PCDHGA2: variants seen among roughly 807,000 people sequenced by gnomAD.
PCDHGA2 encodes protocadherin gamma-A2.
Under a neutral mutation model 59.2 loss-of-function variants are expected in PCDHGA2, and 40 were observed. The observed-to-expected ratio is 0.68, with a 90% confidence interval of 0.52 to 0.88. The LOEUF (loss-of-function observed/expected upper bound fraction) is 0.88, where lower values mean the gene tolerates loss of function less well. Ranked by LOEUF, PCDHGA2 falls within the 40% of genes least tolerant of loss-of-function variation. The pLI is 0.00. For synonymous variants in PCDHGA2, 560 were observed against 526.0 expected, an observed-to-expected ratio of 1.06 and a Z score of -0.89; for missense variants, 1,226 against 1,204.0, an observed-to-expected ratio of 1.02 and a Z score of -0.27.
intron 1 of PCDHGA2, among the ~76,000 whole-genome samples, chr5:141,437,811 C>A (rs964885701): frequency 6.6e-6 from 1 of 150,864 alleles, no homozygotes; most frequent in African/African-American, 2.4e-5. Flanking sequence ...TATCTTGGCT[C>A]ACTGCAACCT....
At chr5:141,346,268 G>T in intron 1 of PCDHGA2, 1 of 1,614,196 alleles carries the variant, frequency 6.2e-7, no homozygotes, top group South Asian at 1.1e-5. Context: ...GCGCGGACGG[G>T]GTTCGGGCTT....
At chr5:141,497,820 G>A (rs1595489288) in intron 2 of PCDHGA2, among the ~76,000 whole-genome samples, 1 of 152,226 alleles carries the variant, frequency 6.6e-6, no homozygotes, top group Admixed American at 6.5e-5. Flanking sequence ...AATTACAGGT[G>A]TGATCGCCCC....
At chr5:141,348,140 TGA>T (rs1488883250) in intron 1 of PCDHGA2, among the ~76,000 whole-genome samples, 1 of 152,236 alleles carries the variant, frequency 6.6e-6, no homozygotes, top group East Asian at 1.9e-4. Context: ...TGAAATCATA[TGA>T]GAGTTATCCA....
In PCDHGA2 at chr5:141,360,693, A is replaced by G. The variant is rs951041324; in HGVS notation, c.2424+19298A>G. 4 of 1,613,908 alleles carry G rather than the reference A, an allele frequency of 2.5e-6. No individual in the cohort carries two copies. In the African/African-American group the frequency reaches 5.3e-5, roughly 22 times the overall value. ...TTGATCTCGCTGAGAAACAGACTCC[A>G]GATGGTCGTAAATATCCTGAGTTGA... On this transcript the variant is annotated intron_variant, in intron 1 of 3. Transcript: ENST00000394576.
At chr5:141,422,665 C>T in intron 1 of PCDHGA2, 2 of 1,608,390 alleles carry the variant, frequency 1.2e-6, no homozygotes, top group Non-Finnish European at 8.5e-7. Context: ...CGCCCTCGAC[C>T]CGGACAGCAA....
chr5:141,398,264 T>C lies in PCDHGA2; in HGVS notation c.2424+56869T>C, dbSNP rs370063277. On this transcript the variant is annotated intron_variant, in intron 1 of 3. Transcript: ENST00000394576. ...CCCGAGGAAATGCCCAAGGGCTCCG[T>C]AGTGGGGAACCTCGCCACGGACCTG... 2,051 of 1,443,238 alleles carry C rather than the reference T, an allele frequency of 1.4e-3. 29 individuals carry two copies. In the African/African-American group the frequency reaches 0.026, roughly 18 times the overall value. 89.4% of individuals were successfully genotyped at this position (1,443,238 alleles called of 1,614,324 possible).
Position 141,405,226 on chromosome 5 carries a change from C to A in PCDHGA2, c.2424+63831C>A, listed in dbSNP as rs756970325. ...TACAGACCTATTCTCAGGAGTTCTCCCTCACCGCTGACTCAAGGAAGAGTC... is the reference window on the plus strand; with the variant it reads ...TACAGACCTATTCTCAGGAGTTCTCACTCACCGCTGACTCAAGGAAGAGTC... On this transcript the variant is annotated intron_variant, in intron 1 of 3. Coordinates refer to ENST00000394576, the MANE Select transcript of PCDHGA2 (RefSeq NM_018915.4). 3.1e-6 allele frequency: 5 copies of A among 1,614,052 alleles called. No individual in the cohort carries two copies. The East Asian group carries it at 1.1e-4, about 36-fold the overall frequency.
chr5:141,353,742 T>C (rs1759373082), intron 1 of PCDHGA2, among the ~76,000 whole-genome samples: 1 of 150,890 alleles, frequency 6.6e-6, no homozygotes, highest in Non-Finnish European at 1.5e-5. Flanking sequence ...TAGTTAAATC[T>C]ATAAACATGT....
At position 141,435,341 on chromosome 5, in the gene PCDHGA2, C is replaced by T. The variant is rs73794903; in HGVS notation, c.2425-59466C>T. 9.3e-3 allele frequency among the ~76,000 whole-genome samples: 1,412 copies of T among 152,206 alleles called. 25 individuals carry two copies. Among genetic ancestry groups the T allele is most frequent in the African/African-American group, 0.032 (1,313 of 41,532 alleles). On this transcript the variant is annotated intron_variant, in intron 1 of 3. Coordinates refer to ENST00000394576, the MANE Select transcript of PCDHGA2 (RefSeq NM_018915.4). ...ACTTCCAAATATAGTGAATTTATTT[C>T]TTCTGCATTTAAAATTTTATCACTT...
Position 141,486,253 on chromosome 5 carries a change from C to A in PCDHGA2, c.2425-8554C>A. The A allele has an allele frequency of 6.2e-7, 1 of 1,614,138 alleles. No individual in the cohort carries two copies. Among genetic ancestry groups the A allele is most frequent in the Non-Finnish European group, 8.5e-7 (1 of 1,180,006 alleles). On this transcript the variant is annotated intron_variant, in intron 1 of 3. Transcript: ENST00000394576. This position sits in a 1 kb window ranked among gnomAD's most constrained non-coding sequence, Gnocchi z 5.0. ...TGACCTCAGAGCTTGGAACCCTCCC[C>A]GAGAGTGCAGAACCTGGCACTGTGG...
intron 1 of PCDHGA2, chr5:141,361,161 T>C (rs1761911989): frequency 1.2e-6 from 2 of 1,613,838 alleles, no homozygotes; most frequent in African/African-American, 1.3e-5. Flanking sequence ...ATGACAACGA[T>C]TGTGCACCTG....
chr5:141,476,756 C>T lies in PCDHGA2; in HGVS notation c.2425-18051C>T. On this transcript the variant is annotated intron_variant, in intron 1 of 3. Transcript: ENST00000394576. The surrounding 1 kb of genome is among the most constrained non-coding windows in gnomAD (Gnocchi z 7.6). ...ACGGGAGCCTAGTCTCCAGTTAGTGCTGACGGCGTTGGACGGAGGGACCCC... is the reference window on the plus strand; with the variant it reads ...ACGGGAGCCTAGTCTCCAGTTAGTGTTGACGGCGTTGGACGGAGGGACCCC... 3 of 1,613,928 alleles carry T rather than the reference C, an allele frequency of 1.9e-6. No homozygotes were observed. Among genetic ancestry groups the T allele is most frequent in the Non-Finnish European group, 2.5e-6 (3 of 1,180,010 alleles).
rs764696444 is a variant in PCDHGA2 at position 141,375,374 on chromosome 5, C to A, written c.2424+33979C>A. On this transcript the variant is annotated intron_variant, in intron 1 of 3. Coordinates refer to ENST00000394576, the MANE Select transcript of PCDHGA2 (RefSeq NM_018915.4). Reference sequence around the variant, plus strand: ...GACAGCCACGGACAAAGGAACACCACCTCTGTCTACAGAAACAATCATCTC... The same window carrying A: ...GACAGCCACGGACAAAGGAACACCAACTCTGTCTACAGAAACAATCATCTC... The A allele has an allele frequency of 2.4e-5, 38 of 1,613,952 alleles. No homozygotes were observed. In the South Asian group the frequency reaches 3.6e-4, roughly 15 times the overall value.
At chr5:141,346,047 C>G (rs1246037325) in intron 1 of PCDHGA2, 1 of 1,613,516 alleles carries the variant, frequency 6.2e-7, no homozygotes, top group Non-Finnish European at 8.5e-7. Flanking sequence ...CCCCGACATC[C>G]TGGCCGACCT....
chr5:141,427,034 A>G (rs762633589), intron 1 of PCDHGA2: 7 of 457,110 alleles, frequency 1.5e-5, no homozygotes, highest in Non-Finnish European at 2.6e-5. Flanking sequence ...TCAGCCTTAG[A>G]GAGAATGTGC....
At chr5:141,443,467 C>T (rs2098389901) in intron 1 of PCDHGA2, among the ~76,000 whole-genome samples, 2 of 152,156 alleles carry the variant, frequency 1.3e-5, no homozygotes, top group African/African-American at 4.8e-5. Context: ...GTCTGGGTGA[C>T]AGAATTAGAC....
In PCDHGA2 at chr5:141,490,594, C is replaced by A. The variant is rs1276468877; in HGVS notation, c.2425-4213C>A. The A allele has an allele frequency of 2.5e-6, 4 of 1,614,056 alleles. No individual in the cohort carries two copies. The highest frequency in any genetic ancestry group is 1.6e-4 in the Middle Eastern group (1 of 6,084). On this transcript the variant is annotated intron_variant, in intron 1 of 3. Transcript: ENST00000394576. The surrounding 1 kb of genome is among the most constrained non-coding windows in gnomAD (Gnocchi z 5.4). ...CATTTCAGATGTCAATGACAATGCA[C>A]CCCGCTTCAACCAGCAGCTTTACAC...
chr5:141,437,693 C>G (rs1305650032), intron 1 of PCDHGA2, among the ~76,000 whole-genome samples: 1 of 151,638 alleles, frequency 6.6e-6, no homozygotes, highest in African/African-American at 2.4e-5. Context: ...GAGGCTAAAT[C>G]TCAAGAAAGA....
At chr5:141,370,168 C>A (rs890245618) in intron 1 of PCDHGA2, 2 of 458,196 alleles carry the variant, frequency 4.4e-6, no homozygotes, top group South Asian at 1.2e-4. Flanking sequence ...GCAGCAGAGG[C>A]GCCGGGTGCC....
Sources: gnomAD v4.1 joint callset for allele counts (sites outside exome capture counted in the v4.1 genomes callset) on GRCh38, gnomAD v4.1.1 for gene constraint, Gnocchi (gnomAD v3.1) non-coding constraint, MANE v1.5 for transcripts, NCBI Gene and HGNC (gene_info 2026-07-23, HGNC 2026-07-21) for gene names.